RIMS4: variants seen among roughly 807,000 people sequenced by gnomAD.
The protein encoded by RIMS4 is regulating synaptic membrane exocytosis protein 4.
Under a neutral mutation model 29.0 loss-of-function variants are expected in RIMS4, and 9 were observed. That is an observed-to-expected ratio of 0.31 (90% confidence interval 0.19 to 0.54). The LOEUF (loss-of-function observed/expected upper bound fraction) is 0.54. Among genes scored for constraint, RIMS4 ranks in the 20% least tolerant of loss-of-function variants. The pLI, the probability that RIMS4 is intolerant of heterozygous loss-of-function variation, is 0.94. For synonymous variants in RIMS4, 130 were observed against 152.9 expected (o/e 0.85, Z 1.10); for missense variants, 193 against 365.7 (o/e 0.53, Z 3.85).
rs6031782 is a variant in RIMS4 at position 44,755,191 on chromosome 20, G to A, written c.*943C>T. On this transcript the variant is annotated 3_prime_UTR_variant, in exon 6 of 6. Transcript: ENST00000372851. ...GGCCTGGAGGCAGGGTGGGTAGACA[G>A]GATGACCATTGACCTCATGCAACAA... is the stretch of plus-strand genomic sequence containing the variant. 86,901 of 152,168 alleles carry A rather than the reference G, an allele frequency of 0.57. 25,732 individuals carry two copies. The highest frequency in any genetic ancestry group is 0.75 in the African/African-American group (30,968 of 41,430). The allele number at this position is 152,168 out of a possible 1,614,324, so 9.4% of individuals were successfully genotyped here. A position where few individuals can be genotyped will look rare whatever the true frequency, so the allele number is the denominator to read the frequency against.
chr20:44,773,493 C>A (rs8117516), intron 1 of RIMS4, among the ~76,000 whole-genome samples: 4,365 of 151,770 alleles, frequency 0.029, 216 homozygotes, highest in African/African-American at 0.099. Flanking sequence ...AACAAACACC[C>A]CCCCCACACC....
chr20:44,759,148 T>C (rs1433120766), intron 2 of RIMS4, among the ~76,000 whole-genome samples: 2 of 152,228 alleles, frequency 1.3e-5, no homozygotes, highest in Non-Finnish European at 1.5e-5. Context: ...CTAAGTACCA[T>C]GCCTGATGTG....
In RIMS4 at chr20:44,754,964, G is replaced by A. The variant is rs558685264; in HGVS notation, c.*1170C>T. On this transcript the variant is annotated 3_prime_UTR_variant, in exon 6 of 6. Coordinates refer to ENST00000372851, the MANE Select transcript of RIMS4 (RefSeq NM_182970.4). ...CTCCCGCAGGCCCCAGGGAGGGCTG[G>A]GCTGGGAAGGCAGCTACCCAGGCCT... 2 of 152,760 alleles carry A rather than the reference G, an allele frequency of 1.3e-5. No individual in the cohort carries two copies. Among genetic ancestry groups the A allele is most frequent in the African/African-American group, 4.8e-5 (2 of 41,564 alleles). The allele number at this position is 152,760 out of a possible 1,614,324, so 9.5% of individuals were successfully genotyped here. A position where few individuals can be genotyped will look rare whatever the true frequency, so the allele number is the denominator to read the frequency against.
intron 2 of RIMS4, among the ~76,000 whole-genome samples, chr20:44,769,280 C>T (rs190115927): frequency 6.6e-6 from 1 of 152,210 alleles, no homozygotes; most frequent in Non-Finnish European, 1.5e-5. Context: ...GGTCATGTGG[C>T]CTTTCTGAGC....
chr20:44,755,465 G>C lies in RIMS4; in HGVS notation c.*669C>G, dbSNP rs1289730058. The stretch of plus-strand genomic sequence containing the variant: ...ACCTAGGGGTCTGTGCCAGGCCCCC[G>C]GCACCTCCTCCTTTCCTTTGGTCCC... On this transcript the variant is annotated 3_prime_UTR_variant, in exon 6 of 6. Coordinates refer to ENST00000372851, the MANE Select transcript of RIMS4 (RefSeq NM_182970.4). 6.5e-6 allele frequency: 1 copy of C among 152,720 alleles called. No individual in the cohort carries two copies. Among genetic ancestry groups the C allele is most frequent in the Non-Finnish European group, 1.5e-5 (1 of 68,136 alleles). The allele number at this position is 152,720 out of a possible 1,614,324, so 9.5% of individuals were successfully genotyped here.
At chr20:44,785,531 G>A (rs1327714937) in intron 1 of RIMS4, among the ~76,000 whole-genome samples, 4 of 152,046 alleles carry the variant, frequency 2.6e-5, no homozygotes, top group Non-Finnish European at 5.9e-5. Context: ...CCATTCTTTC[G>A]CATACACAAA....
intron 2 of RIMS4, among the ~76,000 whole-genome samples, chr20:44,763,057 T>C (rs1171278121): frequency 6.6e-6 from 1 of 152,244 alleles, no homozygotes; most frequent in Non-Finnish European, 1.5e-5. Flanking sequence ...TAAAAGAGCT[T>C]ATTGCATTAA....
intron 2 of RIMS4, among the ~76,000 whole-genome samples, chr20:44,769,101 A>G (rs1393649288): frequency 6.6e-6 from 1 of 152,322 alleles, no homozygotes; most frequent in East Asian, 1.9e-4. Flanking sequence ...ACCACATACC[A>G]GGGCAGTCTC....
At chr20:44,792,359 C>T (rs1233949392) in intron 1 of RIMS4, among the ~76,000 whole-genome samples, 1 of 149,084 alleles carries the variant, frequency 6.7e-6, no homozygotes, top group African/African-American at 2.5e-5. Context: ...GTGGTGTGAT[C>T]TCGGCTCACT....
intron 1 of RIMS4, among the ~76,000 whole-genome samples, chr20:44,792,584 G>T (rs1325622596): frequency 6.6e-6 from 1 of 152,132 alleles, no homozygotes; most frequent in Non-Finnish European, 1.5e-5. Flanking sequence ...GAGCCACCGT[G>T]CCCGGCCTGA....
chr20:44,759,164 G>A (rs946002653), intron 2 of RIMS4, among the ~76,000 whole-genome samples: 2 of 152,126 alleles, frequency 1.3e-5, no homozygotes, highest in Non-Finnish European at 2.9e-5. Context: ...ATGTGCCTCT[G>A]TTATCCTGAG....
intron 1 of RIMS4, among the ~76,000 whole-genome samples, chr20:44,804,017 C>G (rs1310088803): frequency 1.3e-5 from 2 of 152,218 alleles, no homozygotes; most frequent in African/African-American, 2.4e-5. Flanking sequence ...TCCTGTCCCA[C>G]CCAGGATCTC....
In RIMS4 at chr20:44,756,887, A is replaced by G. The variant is rs770856691; in HGVS notation, c.591+11T>C. 2.0e-5 allele frequency: 32 copies of G among 1,613,240 alleles called. No homozygotes were observed. Among genetic ancestry groups the G allele is most frequent in the African/African-American group, 1.1e-4 (8 of 74,884 alleles). ...CACACACACACACGTGAGCGCGTCA[A>G]TGCCCCTCACCTGGAGGACTTTGCC... On this transcript the variant is annotated intron_variant, in intron 5 of 5. Transcript: ENST00000372851. This position sits in a 1 kb window ranked among gnomAD's most constrained non-coding sequence, Gnocchi z 5.9.
intron 1 of RIMS4, among the ~76,000 whole-genome samples, chr20:44,783,705 C>G (rs1055871101): frequency 6.6e-6 from 1 of 151,910 alleles, no homozygotes; most frequent in African/African-American, 2.4e-5. Context: ...TGACATTATG[C>G]AAGTGAAAGA....
In RIMS4 at chr20:44,756,085, G is replaced by T; in HGVS notation, c.*49C>A. The stretch of plus-strand genomic sequence containing the variant: ...CCCTGGGCCTGGGGTCCCAGGTCAG[G>T]GCTGGGTGGTCTCCAGGCCATCTTG... On this transcript the variant is annotated 3_prime_UTR_variant, in exon 6 of 6. Transcript: ENST00000372851. This position sits in a 1 kb window ranked among gnomAD's most constrained non-coding sequence, Gnocchi z 5.9. The T allele has an allele frequency of 6.9e-7, 1 of 1,453,246 alleles. No homozygotes were observed. The highest frequency in any genetic ancestry group is 9.5e-7 in the Non-Finnish European group (1 of 1,053,928). The allele number at this position is 1,453,246 out of a possible 1,614,324, so 90.0% of individuals were successfully genotyped here. A position where few individuals can be genotyped will look rare whatever the true frequency, so the allele number is the denominator to read the frequency against.
chr20:44,767,025 G>C (rs1404904853), intron 2 of RIMS4, among the ~76,000 whole-genome samples: 1 of 152,192 alleles, frequency 6.6e-6, no homozygotes, highest in Non-Finnish European at 1.5e-5. Flanking sequence ...GGTTCCGAGA[G>C]TTCCCCATCA....
chr20:44,785,077 T>C (rs893417538), intron 1 of RIMS4, among the ~76,000 whole-genome samples: 2 of 152,198 alleles, frequency 1.3e-5, no homozygotes, highest in South Asian at 4.1e-4. Context: ...ATTCACTCTT[T>C]TCTGATTTCT....
intron 1 of RIMS4, among the ~76,000 whole-genome samples, chr20:44,774,291 G>A (rs538087706): frequency 6.6e-6 from 1 of 152,264 alleles, no homozygotes; most frequent in East Asian, 1.9e-4. Context: ...GTGTCAACTC[G>A]ATTGGATTGA....
chr20:44,771,306 C>T lies in RIMS4; in HGVS notation c.205G>A (p.Asp69Asn). Reference sequence around the variant, plus strand: ...TCTGAGCCATAGCTGTTCATGCTGTCCTCAATGGACTCGTGGCTGGCCTGG... The same window carrying T: ...TCTGAGCCATAGCTGTTCATGCTGTTCTCAATGGACTCGTGGCTGGCCTGG... ...LRQASHESIE[D>N]SMNSYGSEGN... is the part of the protein sequence containing the mutation. Residue 69 changes from aspartate to asparagine, a missense_variant, in exon 2 of 6, where the codon GAC (aspartate) becomes AAC (asparagine). Coordinates refer to ENST00000372851, the MANE Select transcript of RIMS4 (RefSeq NM_182970.4). 1 of 1,613,842 alleles carries T rather than the reference C, an allele frequency of 6.2e-7. No homozygotes were observed. Among genetic ancestry groups the T allele is most frequent in the Non-Finnish European group, 8.5e-7 (1 of 1,179,768 alleles).
Sources: gnomAD v4.1 joint callset for allele counts (sites outside exome capture counted in the v4.1 genomes callset) on GRCh38, gnomAD v4.1.1 for gene constraint, Gnocchi (gnomAD v3.1) non-coding constraint, MANE v1.5 for transcripts, NCBI Gene and HGNC (gene_info 2026-07-23, HGNC 2026-07-21) for gene names.